ZBTB37: variants seen among roughly 807,000 people sequenced by gnomAD.
ZBTB37 encodes the protein zinc finger and BTB domain containing 37.
Under a neutral mutation model 37.7 loss-of-function variants are expected in ZBTB37, and 15 were observed. That is an observed-to-expected ratio of 0.40 (90% CI 0.27 to 0.61). The LOEUF is 0.61. Among genes scored for constraint, ZBTB37 ranks in the 20% least tolerant of loss-of-function variants. ZBTB37 has a pLI of 0.44. For missense variants in ZBTB37, 514 were observed against 641.9 expected (o/e 0.80, Z 2.15); for synonymous variants, 231 against 220.6 (o/e 1.05, Z -0.42).
intron 3 of ZBTB37, among the ~76,000 whole-genome samples, chr1:173,873,006 C>CAA (rs202221478): frequency 1.5e-4 from 18 of 121,926 alleles, no homozygotes; most frequent in Non-Finnish European, 2.1e-4. Context: ...GACTCTGTCT[C>CAA]AAAAAAAAAA....
At chr1:173,879,743 T>C (rs1406465958) in intron 4 of ZBTB37, among the ~76,000 whole-genome samples, 1 of 152,080 alleles carries the variant, frequency 6.6e-6, no homozygotes, top group East Asian at 1.9e-4. Context: ...CCTGAGGTCA[T>C]GAGTTCAAGA....
chr1:173,886,221 A>G (rs1656615323), exon 5 of ZBTB37: 1 of 1,456,118 alleles, frequency 6.9e-7, no homozygotes, highest in Non-Finnish European at 9.1e-7. Flanking sequence ...AAAATGCCAC[A>G]TCACTAGGCC....
At chr1:173,891,192 C>T (rs1311370453), downstream of ZBTB37, 3 of 152,088 alleles carry the variant, frequency 2.0e-5, no homozygotes, top group African/African-American at 7.2e-5. Context: ...TTTTGCCATT[C>T]CTCTGAGTTA....
At chr1:173,889,350 G>A (rs550577353), downstream of ZBTB37, 1 of 152,304 alleles carries the variant, frequency 6.6e-6, no homozygotes, top group African/African-American at 2.4e-5. Flanking sequence ...ACTTTGTTTG[G>A]TTGATGCTGA....
Position 173,880,954 on chromosome 1 carries a change from C to CT in ZBTB37, c.1024-4670dup, listed in dbSNP as rs200355664. ...GAGTTGGGGAGATTTCTTTTTTTCT[C>CT]TTTTTTTTTTTTAATTATGCTTTAA... On this transcript the variant is annotated intron_variant, in intron 4 of 4. Coordinates refer to ENST00000427304, the Ensembl canonical transcript of ZBTB37. 2.5e-3 allele frequency among the ~76,000 whole-genome samples: 353 copies of CT among 142,696 alleles called. 3 individuals are homozygous for CT. Among genetic ancestry groups the CT allele is most frequent in the East Asian group, 0.024 (118 of 4,930 alleles). The allele number at this position is 142,696 out of a possible 152,430, so 93.6% of individuals were successfully genotyped here. A position where few individuals can be genotyped will look rare whatever the true frequency, so the allele number is the denominator to read the frequency against.
intron 4 of ZBTB37, among the ~76,000 whole-genome samples, chr1:173,875,114 TTA>T (rs1354700934): frequency 3.2e-4 from 30 of 93,444 alleles, no homozygotes; most frequent in East Asian, 9.7e-4. Flanking sequence ...AGTCTGATTA[TTA>T]TGTGTGTGTG....
intron 4 of ZBTB37, among the ~76,000 whole-genome samples, chr1:173,875,723 C>G (rs1255108272): frequency 6.6e-6 from 1 of 151,964 alleles, no homozygotes; most frequent in Non-Finnish European, 1.5e-5. Context: ...GGTGCGATCT[C>G]AACTCACTTT....
exon 4 of ZBTB37, chr1:173,894,362 G>A (rs1268870922): frequency 6.6e-6 from 1 of 152,152 alleles, no homozygotes; most frequent in Non-Finnish European, 1.5e-5. Context: ...CTGTGACAAC[G>A]ACTCAGGTCA....
At chr1:173,879,757 G>C (rs530226382) in intron 4 of ZBTB37, among the ~76,000 whole-genome samples, 1 of 152,296 alleles carries the variant, frequency 6.6e-6, no homozygotes, top group East Asian at 1.9e-4. Flanking sequence ...TTCAAGACCA[G>C]CCTGGCCAAC....
chr1:173,880,863 C>T (rs1184068156), intron 4 of ZBTB37, among the ~76,000 whole-genome samples: 5 of 152,046 alleles, frequency 3.3e-5, no homozygotes, highest in Non-Finnish European at 7.4e-5. Flanking sequence ...CACAGTTTAT[C>T]ACTGATTACT....
chr1:173,883,882 T>A (rs891671772), intron 4 of ZBTB37, among the ~76,000 whole-genome samples: 1 of 152,162 alleles, frequency 6.6e-6, no homozygotes, highest in Non-Finnish European at 1.5e-5. Context: ...GTGTCTATCT[T>A]AGGGGAAAAA....
intron 4 of ZBTB37, among the ~76,000 whole-genome samples, chr1:173,883,232 A>G (rs1321661001): frequency 1.3e-5 from 2 of 152,226 alleles, no homozygotes; most frequent in Admixed American, 6.5e-5. Context: ...TAATCCCAGC[A>G]CTTTGGGAGG....
exon 4 of ZBTB37, chr1:173,901,960 T>C (rs1657277181): frequency 6.6e-6 from 1 of 152,346 alleles, no homozygotes; most frequent in South Asian, 2.1e-4. Flanking sequence ...TCCCTGGCAC[T>C]GTGCCTTCAC....
At chr1:173,892,633 G>A (rs1656886040) in exon 4 of ZBTB37, 1 of 152,140 alleles carries the variant, frequency 6.6e-6, no homozygotes, top group Non-Finnish European at 1.5e-5. Flanking sequence ...GACTTGAGAA[G>A]GCAAATATTA....
intron 4 of ZBTB37, among the ~76,000 whole-genome samples, chr1:173,878,692 TAA>T (rs1406038167): frequency 6.6e-6 from 1 of 152,244 alleles, no homozygotes; most frequent in East Asian, 1.9e-4. Context: ...TGGTAAACAT[TAA>T]GTTACATTTG....
chr1:173,882,257 T>C (rs1314867567), intron 4 of ZBTB37, among the ~76,000 whole-genome samples: 1 of 142,938 alleles, frequency 7.0e-6, no homozygotes, highest in South Asian at 2.3e-4. Flanking sequence ...TTTTTTTTTT[T>C]TTGAGACAGA....
exon 4 of ZBTB37, chr1:173,897,599 A>C (rs190636805): frequency 6.6e-6 from 1 of 152,158 alleles, no homozygotes; most frequent in African/African-American, 2.4e-5. Flanking sequence ...GTGTAAGTTT[A>C]TGTGTGTATG....
At chr1:173,885,519 TC>T in intron 4 of ZBTB37, 116 bp from the exon 5 acceptor site, 1 of 874,606 alleles carries the variant, frequency 1.1e-6, no homozygotes, top group Non-Finnish European at 1.7e-6. Flanking sequence ...TTCTGTTTGA[TC>T]CGCCACTAAA....
chr1:173,875,955 A>T (rs1655942360), intron 4 of ZBTB37, among the ~76,000 whole-genome samples: 1 of 152,186 alleles, frequency 6.6e-6, no homozygotes, highest in Non-Finnish European at 1.5e-5. Context: ...CACTGTGCCC[A>T]GCTGCTTACA....
Sources: allele counts gnomAD v4.1 joint callset (sites outside exome capture counted in the v4.1 genomes callset), GRCh38; gene constraint gnomAD v4.1.1; transcripts MANE v1.5; gene names NCBI Gene and HGNC (gene_info 2026-07-23, HGNC 2026-07-21).